Variants in B3GALT5 observed in about 807,000 individuals in gnomAD.
The protein encoded by B3GALT5 is UDP-Gal:betaGlcNAc beta 1,3-galactosyltransferase, polypeptide 5.
For missense variants in B3GALT5, 328 were observed against 396.6 expected, an observed-to-expected ratio of 0.83 and a Z score of 1.47; for synonymous variants, 156 against 158.6, an observed-to-expected ratio of 0.98 and a Z score of 0.12.
At chr21:39,622,116 T>C (rs1220034925) in intron 1 of B3GALT5, among the ~76,000 whole-genome samples, 1 of 152,244 alleles carries the variant, frequency 6.6e-6, no homozygotes, top group East Asian at 1.9e-4. Flanking sequence ...TCTATTATGA[T>C]TTCCTCTTTA....
chr21:39,618,190 T>C (rs1324562811), intron 1 of B3GALT5, among the ~76,000 whole-genome samples: 4 of 152,182 alleles, frequency 2.6e-5, no homozygotes, highest in Non-Finnish European at 5.9e-5. Flanking sequence ...GTACTACAAT[T>C]GGCTCAGCTA....
chr21:39,626,458 C>T (rs1162955823), intron 1 of B3GALT5, among the ~76,000 whole-genome samples: 2 of 152,112 alleles, frequency 1.3e-5, no homozygotes, highest in Non-Finnish European at 2.9e-5. Flanking sequence ...AGTGGAATTG[C>T]TGGATTATAT....
intron 2 of B3GALT5, among the ~76,000 whole-genome samples, chr21:39,651,181 A>T (rs1401439694): frequency 6.6e-6 from 1 of 152,186 alleles, no homozygotes; most frequent in African/African-American, 2.4e-5. Flanking sequence ...GGAACCTCTA[A>T]CTGAAATTGA....
Position 39,664,385 on chromosome 21 carries a change from C to A in B3GALT5, c.*2893C>A, listed in dbSNP as rs1294930277. Reference sequence around the variant, plus strand: ...ACTTGGCCCCCGTGGTGCCAGAACCCCTGGTATTGGACTGACTCCAGCTCT... The same window carrying A: ...ACTTGGCCCCCGTGGTGCCAGAACCACTGGTATTGGACTGACTCCAGCTCT... On this transcript the variant is annotated 3_prime_UTR_variant, in exon 4 of 4. Coordinates refer to ENST00000684187, the MANE Select transcript of B3GALT5 (RefSeq NM_001356336.2). 6.5e-6 allele frequency: 1 copy of A among 152,726 alleles called. No individual in the cohort carries two copies. 9.5% of individuals were successfully genotyped at this position (152,726 alleles called of 1,614,324 possible). A position where few individuals can be genotyped will look rare whatever the true frequency, so the allele number is the denominator to read the frequency against.
Position 39,659,567 on chromosome 21 carries a change from G to A in B3GALT5, c.-160-186G>A, listed in dbSNP as rs141021838. ...GGGATTGGCATATTGTTACTGTTGT[G>A]GACTTTGTTTGCCTTGATCATACCC... On this transcript the variant is annotated intron_variant, in intron 2 of 3. Transcript: ENST00000684187. Among the ~76,000 whole-genome samples the A allele has an allele frequency of 7.2e-5, 11 of 152,230 alleles. No homozygotes were observed. In the East Asian group the frequency reaches 2.1e-3, roughly 29 times the overall value.
At chr21:39,637,877 T>G (rs1986561793) in intron 1 of B3GALT5, among the ~76,000 whole-genome samples, 1 of 152,212 alleles carries the variant, frequency 6.6e-6, no homozygotes, top group African/African-American at 2.4e-5. Context: ...AGGGAGCAAG[T>G]GAGCCCTTTG....
In B3GALT5 at chr21:39,618,127, C is replaced by G. The variant is rs148514764; in HGVS notation, c.-392+5060C>G. On this transcript the variant is annotated intron_variant, in intron 1 of 3. Coordinates refer to ENST00000684187, the MANE Select transcript of B3GALT5 (RefSeq NM_001356336.2). ...CCATGATCAATCCAATGCACTCTAG[C>G]ATGGGCAACAGAGCAAGACCTTGTC... Among the ~76,000 whole-genome samples the G allele has an allele frequency of 3.7e-4, 56 of 152,248 alleles. No individual in the cohort carries two copies. In the East Asian group the frequency reaches 0.01, roughly 28 times the overall value.
At position 39,619,441 on chromosome 21, in the gene B3GALT5, T is replaced by C. The variant is rs144885459; in HGVS notation, c.-392+6374T>C. Among the ~76,000 whole-genome samples, 739 of 152,314 alleles carry C rather than the reference T, an allele frequency of 4.9e-3. 4 individuals are homozygous for C. Among genetic ancestry groups the C allele is most frequent in the Non-Finnish European group, 7.7e-3 (524 of 68,038 alleles). On this transcript the variant is annotated intron_variant, in intron 1 of 3. Coordinates refer to ENST00000684187, the MANE Select transcript of B3GALT5 (RefSeq NM_001356336.2). ...ACATTGGGGTTAGAGCTTTAACACA[T>C]GAACTTTGGGTGGACACAATTCCGT...
In B3GALT5 at chr21:39,663,215, C is replaced by G. The variant is rs1310620197; in HGVS notation, c.*1723C>G. 6.6e-6 allele frequency: 1 copy of G among 152,378 alleles called. No homozygotes were observed. The highest frequency in any genetic ancestry group is 1.5e-5 in the Non-Finnish European group (1 of 68,062). The allele number at this position is 152,378 out of a possible 1,614,324, so 9.4% of individuals were successfully genotyped here. ...AGAAGTCGTCTGTTTGGCAGTAGGCCTGCGTCTGTGTTTCGTGGTCTACCT... is the reference window on the plus strand; with the variant it reads ...AGAAGTCGTCTGTTTGGCAGTAGGCGTGCGTCTGTGTTTCGTGGTCTACCT... On this transcript the variant is annotated 3_prime_UTR_variant, in exon 4 of 4. Transcript: ENST00000684187.
chr21:39,657,791 C>G, intron 2 of B3GALT5: 3 of 1,127,756 alleles, frequency 2.7e-6, no homozygotes, highest in Non-Finnish European at 3.4e-6. Context: ...CTAGAGAACC[C>G]TGACTAATAC....
intron 1 of B3GALT5, among the ~76,000 whole-genome samples, chr21:39,636,792 G>A (rs2079231201): frequency 6.6e-6 from 1 of 152,110 alleles, no homozygotes; most frequent in Non-Finnish European, 1.5e-5. Flanking sequence ...GTGTGGCTTT[G>A]GTGGCGGTCA....
chr21:39,635,111 A>T (rs1461032050), intron 1 of B3GALT5, among the ~76,000 whole-genome samples: 1 of 152,194 alleles, frequency 6.6e-6, no homozygotes, highest in African/African-American at 2.4e-5. Context: ...AATGGCAATG[A>T]TTGCAATTAA....
intron 2 of B3GALT5, among the ~76,000 whole-genome samples, chr21:39,652,088 C>T (rs1257924219): frequency 6.6e-6 from 1 of 152,172 alleles, no homozygotes; most frequent in African/African-American, 2.4e-5. Flanking sequence ...AATTCTGTTC[C>T]TCCCCCTGGA....
At chr21:39,613,426 GCAA>G (rs899546183) in intron 1 of B3GALT5, among the ~76,000 whole-genome samples, 1 of 152,166 alleles carries the variant, frequency 6.6e-6, no homozygotes, top group African/African-American at 2.4e-5. Flanking sequence ...CTAATCTTAA[GCAA>G]CAACAACAAA....
intron 2 of B3GALT5, among the ~76,000 whole-genome samples, chr21:39,655,987 C>T (rs1156587194): frequency 2.6e-5 from 4 of 152,190 alleles, no homozygotes; most frequent in East Asian, 1.9e-4. Flanking sequence ...CTTGTTTATA[C>T]GTGGTGCCTG....
chr21:39,620,311 A>G (rs1318796008), intron 1 of B3GALT5, among the ~76,000 whole-genome samples: 1 of 152,210 alleles, frequency 6.6e-6, no homozygotes, highest in Non-Finnish European at 1.5e-5. Flanking sequence ...AGTTCAGGGT[A>G]GTTATTTGTA....
rs116650235 is a variant in B3GALT5, at chr21:39,651,924, T to C, written c.-161+5302T>C. On this transcript the variant is annotated intron_variant, in intron 2 of 3. Transcript: ENST00000684187. ...CTGTGATTCTGTATGTTTTGTATTA[T>C]ACATGTAAAAACGTTATTCAGAGGA... 6.2e-3 allele frequency among the ~76,000 whole-genome samples: 952 copies of C among 152,354 alleles called. 8 individuals are homozygous for C. Among genetic ancestry groups the C allele is most frequent in the African/African-American group, 0.022 (910 of 41,568 alleles).
At chr21:39,637,162 C>T (rs977539886) in intron 1 of B3GALT5, among the ~76,000 whole-genome samples, 3 of 152,206 alleles carry the variant, frequency 2.0e-5, no homozygotes, top group Admixed American at 1.3e-4. Flanking sequence ...TGACGTTTTC[C>T]GAGTCCTAAA....
intron 1 of B3GALT5, among the ~76,000 whole-genome samples, chr21:39,613,421 C>T (rs2079091150): frequency 6.6e-6 from 1 of 152,174 alleles, no homozygotes; most frequent in Admixed American, 6.5e-5. Flanking sequence ...ATGGCCTAAT[C>T]TTAAGCAACA....
Sources: gnomAD v4.1 joint callset for allele counts (sites outside exome capture counted in the v4.1 genomes callset) on GRCh38, gnomAD v4.1.1 for gene constraint, MANE v1.5 for transcripts, NCBI Gene and HGNC (gene_info 2026-07-23, HGNC 2026-07-21) for gene names.